CHCHD6: variants seen among roughly 807,000 people sequenced by gnomAD.
The protein encoded by CHCHD6 is coiled-coil-helix-coiled-coil-helix domain containing 6.
A neutral mutation model predicts 32.3 loss-of-function variants in CHCHD6; 28 were observed. The ratio of observed to expected loss-of-function variants is 0.87; its 90% CI spans 0.64 to 1.19. The LOEUF (loss-of-function observed/expected upper bound fraction) is 1.19, where lower values mean the gene tolerates loss of function less well. CHCHD6 is among the 50% of genes most tolerant of loss of function. The pLI is 0.00. For synonymous variants in CHCHD6, 122 were observed against 117.5 expected (o/e 1.04, Z -0.25); for missense variants, 333 against 307.0 (o/e 1.08, Z -0.63).
intron 5 of CHCHD6, among the ~76,000 whole-genome samples, chr3:126,870,400 C>T (rs1011717978): frequency 6.6e-6 from 1 of 152,160 alleles, no homozygotes; most frequent in African/African-American, 2.4e-5. Flanking sequence ...GTGTGGAGGT[C>T]GGGGAGCTAA....
intron 5 of CHCHD6, among the ~76,000 whole-genome samples, chr3:126,859,843 C>T (rs1941796526): frequency 6.6e-6 from 1 of 152,224 alleles, no homozygotes; most frequent in South Asian, 2.1e-4. Context: ...CAAATGCTGC[C>T]TGTCAGAGAC....
intron 4 of CHCHD6, among the ~76,000 whole-genome samples, chr3:126,801,498 G>A (rs955251403): frequency 5.9e-5 from 9 of 152,216 alleles, no homozygotes; most frequent in Admixed American, 2.0e-4. Flanking sequence ...AGGCGGCAGC[G>A]AAGCTAGGGG....
chr3:126,738,008 C>T (rs1328505547), intron 4 of CHCHD6, among the ~76,000 whole-genome samples: 4 of 152,168 alleles, frequency 2.6e-5, no homozygotes, highest in African/African-American at 7.2e-5. Context: ...GTCAAATCCT[C>T]CCACTGAAGA....
intron 5 of CHCHD6, among the ~76,000 whole-genome samples, chr3:126,898,635 T>C (rs2077876079): frequency 6.6e-6 from 1 of 152,144 alleles, no homozygotes; most frequent in Non-Finnish European, 1.5e-5. Context: ...GCCTCCCAGG[T>C]TCAAGCGATT....
rs770114710 is a variant in CHCHD6, at chr3:126,733,147, C to T, written c.336C>T (p.Ala112=). 25 of 1,614,068 alleles carry T rather than the reference C, an allele frequency of 1.5e-5. No homozygotes were observed. Among genetic ancestry groups the T allele is most frequent in the Non-Finnish European group, 1.9e-5 (23 of 1,180,010 alleles). The part of the protein sequence containing the change: ...FQVAKREREA[A]TKHSKASLPT... ...TGGCAAAGAGGGAAAGAGAGGCTGC[C>T]ACCAAGCACTCCAAGGCATCCCTGC... The change falls in exon 4 of 8, where the codon GCC becomes GCT. Residue 112 remains alanine (A), a synonymous_variant. Coordinates refer to ENST00000290913, the MANE Select transcript of CHCHD6 (RefSeq NM_032343.3).
intron 6 of CHCHD6, among the ~76,000 whole-genome samples, chr3:126,955,271 G>A (rs1048503218): frequency 5.3e-5 from 8 of 152,266 alleles, no homozygotes; most frequent in Non-Finnish European, 1.2e-4. Context: ...CCGCCTGTGC[G>A]GCAGCTGACG....
At chr3:126,739,468 T>C (rs1041209732) in intron 4 of CHCHD6, among the ~76,000 whole-genome samples, 3 of 152,188 alleles carry the variant, frequency 2.0e-5, no homozygotes, top group Non-Finnish European at 2.9e-5. Context: ...GACTAGACTA[T>C]GCAGCTCCAG....
intron 6 of CHCHD6, among the ~76,000 whole-genome samples, chr3:126,920,003 A>G (rs907586902): frequency 9.9e-5 from 15 of 151,594 alleles, no homozygotes; most frequent in Non-Finnish European, 2.1e-4. Flanking sequence ...CTCTTTTCTA[A>G]GGTTATATGT....
chr3:126,860,641 C>T (rs1005976707), intron 5 of CHCHD6, among the ~76,000 whole-genome samples: 2 of 152,066 alleles, frequency 1.3e-5, no homozygotes, highest in African/African-American at 2.4e-5. Flanking sequence ...AGAAGGGTAC[C>T]GCCAACTGGT....
chr3:126,894,604 G>A (rs908186862), intron 5 of CHCHD6, among the ~76,000 whole-genome samples: 7 of 152,130 alleles, frequency 4.6e-5, no homozygotes, highest in Non-Finnish European at 8.8e-5. Context: ...CCTCAGCACC[G>A]CCCAGGACAC....
intron 6 of CHCHD6, among the ~76,000 whole-genome samples, chr3:126,948,398 C>G (rs904435589): frequency 1.3e-5 from 2 of 152,200 alleles, no homozygotes; most frequent in African/African-American, 4.8e-5. Context: ...GCACACACAT[C>G]GCTCTACTGT....
chr3:126,850,583 G>A (rs145187343), intron 4 of CHCHD6, among the ~76,000 whole-genome samples: 4 of 152,290 alleles, frequency 2.6e-5, no homozygotes, highest in East Asian at 1.9e-4. Context: ...ATGTGTGAAC[G>A]CACCTCCTTG....
chr3:126,892,875 T>C (rs560311349), intron 5 of CHCHD6, among the ~76,000 whole-genome samples: 2 of 152,376 alleles, frequency 1.3e-5, no homozygotes, highest in South Asian at 4.1e-4. Context: ...CGTGATTTGC[T>C]TTTCTCAAAT....
chr3:126,852,705 A>G lies in CHCHD6; in HGVS notation c.470A>G (p.Glu157Gly). The G allele has an allele frequency of 6.2e-7, 1 of 1,613,420 alleles. No individual in the cohort carries two copies. The highest frequency in any genetic ancestry group is 1.1e-5 in the South Asian group (1 of 91,058). ...AGACGCCGTGACACCTTCTACAAGG[A>G]GCAGCTGGAGCGTATTGAGAGGAAG... is the stretch of plus-strand genomic sequence containing the variant. ...ELRRRDTFYK[E>G]QLERIERKNA... Residue 157 changes from glutamate to glycine, a missense_variant, in exon 5 of 8, where the codon GAG becomes GGG. Transcript: ENST00000290913.
intron 5 of CHCHD6, among the ~76,000 whole-genome samples, chr3:126,873,120 A>T (rs2077498093): frequency 6.6e-6 from 1 of 152,230 alleles, no homozygotes; most frequent in Non-Finnish European, 1.5e-5. Flanking sequence ...CCATCACATC[A>T]AACATCCTGG....
chr3:126,745,107 A>G (rs1332325046), intron 4 of CHCHD6, among the ~76,000 whole-genome samples: 1 of 152,200 alleles, frequency 6.6e-6, no homozygotes, highest in Non-Finnish European at 1.5e-5. Flanking sequence ...ACTGTGTCGC[A>G]GGGCCACCTC....
chr3:126,736,942 G>A (rs1393614426), intron 4 of CHCHD6, among the ~76,000 whole-genome samples: 1 of 152,166 alleles, frequency 6.6e-6, no homozygotes, highest in Non-Finnish European at 1.5e-5. Context: ...TTTATTTTAG[G>A]TGAGAATGAG....
chr3:126,831,631 G>A (rs901258566), intron 4 of CHCHD6, among the ~76,000 whole-genome samples: 2 of 152,178 alleles, frequency 1.3e-5, no homozygotes, highest in African/African-American at 4.8e-5. Flanking sequence ...GAAAATGTGC[G>A]TGTTTACGGT....
chr3:126,913,030 G>A (rs996589248), intron 5 of CHCHD6, among the ~76,000 whole-genome samples: 6 of 152,094 alleles, frequency 3.9e-5, no homozygotes, highest in African/African-American at 1.4e-4. Context: ...CTGGTGGGCG[G>A]AGAGAGCCAA....
Sources: allele counts gnomAD v4.1 joint callset (sites outside exome capture counted in the v4.1 genomes callset), GRCh38; gene constraint gnomAD v4.1.1; transcripts MANE v1.5; gene names NCBI Gene and HGNC (gene_info 2026-07-23, HGNC 2026-07-21).